The following ABCA4 variants were observed in gnomAD, a reference collection of about 807,000 sequenced individuals.
ABCA4 encodes the protein ATP binding cassette subfamily A member 4, also known as retinal-specific phospholipid-transporting ATPase ABCA4.
A neutral mutation model predicts 263.7 loss-of-function variants in ABCA4; 196 were observed. The observed-to-expected ratio is 0.74, with a 90% CI of 0.66 to 0.84. The LOEUF is 0.84. Among genes scored for constraint, ABCA4 ranks in the 40% least tolerant of loss-of-function variants. The pLI is 0.00. For synonymous variants in ABCA4, 1,133 were observed against 1,094.2 expected (o/e 1.04, Z -0.70); for missense variants, 2,792 against 2,855.1 (o/e 0.98, Z 0.50).
chr1:94,011,196 C>T (rs1303089031), intron 39 of ABCA4, 66 bp downstream of exon 39: 7 of 1,612,060 alleles, frequency 4.3e-6, no homozygotes, highest in African/African-American at 1.3e-5. Context: ...ATGCAGGAGC[C>T]CCCCCGGTAA....
At chr1:94,040,729 A>T (rs1660463574) in intron 23 of ABCA4, among the ~76,000 whole-genome samples, 1 of 152,214 alleles carries the variant, frequency 6.6e-6, no homozygotes, top group Non-Finnish European at 1.5e-5. Context: ...GCACAGACAT[A>T]AAACTGGGTC....
intron 10 of ABCA4, 93 bp downstream of exon 10, chr1:94,078,497 T>G: frequency 9.7e-7 from 1 of 1,030,164 alleles, no homozygotes; most frequent in East Asian, 2.4e-5. Context: ...CCAATAGCGA[T>G]TAACTCTTTC....
chr1:94,040,782 C>T (rs1348581001), intron 23 of ABCA4, among the ~76,000 whole-genome samples: 3 of 152,122 alleles, frequency 2.0e-5, no homozygotes, highest in Middle Eastern at 6.8e-3. Flanking sequence ...GTACTTTTTG[C>T]CTTCATCATT....
At chr1:93,998,899 C>T (rs12083624) in intron 47 of ABCA4, among the ~76,000 whole-genome samples, 18,568 of 146,714 alleles carry the variant, frequency 0.13, 1,978 homozygotes, top group African/African-American at 0.3. Context: ...CCACCACACT[C>T]GGCTAATTTT....
Position 93,993,117 on chromosome 1 carries a change from CT to C in ABCA4, c.*119del. On this transcript the variant is annotated 3_prime_UTR_variant, in exon 50 of 50. Transcript: ENST00000370225. ...TGCATGCTCCTCGTGTGTTTGTTTTCTGCTGCAGTGGGGTCATTTACGCTGG... is the reference window on the plus strand; with the variant it reads ...TGCATGCTCCTCGTGTGTTTGTTTTCGCTGCAGTGGGGTCATTTACGCTGG... 7.4e-7 allele frequency: 1 copy of C among 1,348,400 alleles called. No homozygotes were observed. The highest frequency in any genetic ancestry group is 1.1e-6 in the Non-Finnish European group (1 of 948,758). 83.5% of individuals were successfully genotyped at this position (1,348,400 alleles called of 1,614,324 possible). A position where few individuals can be genotyped will look rare whatever the true frequency, so the allele number is the denominator to read the frequency against.
intron 24 of ABCA4, among the ~76,000 whole-genome samples, chr1:94,038,817 A>T: frequency 6.6e-6 from 1 of 152,114 alleles, no homozygotes; most frequent in South Asian, 2.1e-4. Flanking sequence ...TGTGTGTGGT[A>T]TGTGGGTGTG....
chr1:94,102,865 C>A, intron 5 of ABCA4, 150 bp downstream of exon 5: 5 of 1,090,308 alleles, frequency 4.6e-6, no homozygotes, highest in Non-Finnish European at 6.7e-6. Context: ...AGTGATCCCC[C>A]GGTTTTTTTC....
intron 1 of ABCA4, among the ~76,000 whole-genome samples, chr1:94,116,976 T>TTC (rs1491522804): frequency 1.0e-5 from 1 of 96,802 alleles, no homozygotes; most frequent in South Asian, 3.9e-4. Flanking sequence ...TTCTCTTTCT[T>TTC]TCTTTCTTTC....
At chr1:93,996,761 C>T (rs537749200) in intron 48 of ABCA4, among the ~76,000 whole-genome samples, 1 of 152,160 alleles carries the variant, frequency 6.6e-6, no homozygotes, top group African/African-American at 2.4e-5. Flanking sequence ...GATGGATGAA[C>T]AAAATGTAGC....
chr1:94,023,133 G>A (rs921717991), intron 32 of ABCA4, among the ~76,000 whole-genome samples: 1 of 151,930 alleles, frequency 6.6e-6, no homozygotes, highest in East Asian at 1.9e-4. Flanking sequence ...GCTTTTTTTG[G>A]GTGAGAATGC....
chr1:94,045,741 A>G (rs1406145435), intron 19 of ABCA4: 2 of 456,162 alleles, frequency 4.4e-6, no homozygotes, highest in African/African-American at 2.0e-5. Context: ...CACCGGCCCC[A>G]CATTCCATTC....
At chr1:94,014,370 G>A (rs1659661539) in intron 38 of ABCA4, among the ~76,000 whole-genome samples, 173 bp downstream of exon 38, 1 of 136,512 alleles carries the variant, frequency 7.3e-6, no homozygotes, top group Non-Finnish European at 1.5e-5. Context: ...AGGAAGGAAG[G>A]ATGGGAGGAA....
Position 94,042,800 on chromosome 1 carries a change from T to A in ABCA4, c.3289A>T (p.Arg1097Ter), listed in dbSNP as rs886044731. The A allele has an allele frequency of 5.6e-6, 9 of 1,614,176 alleles. No individual in the cohort carries two copies. The highest frequency in any genetic ancestry group is 7.6e-6 in the Non-Finnish European group (9 of 1,180,036). ...EPTSGVDPYS[R>*]RSIWDLLLKY... ...AGGAGCAGATCCCAGATTGAGCGTC[T>A]CGAGTAAGGGTCCACCCCAGAGGTG... Residue 1097 changes from arginine to a stop codon, truncating the protein, a stop_gained, in exon 22 of 50, where the codon AGA becomes TGA. Transcript: ENST00000370225. LOFTEE classifies it high-confidence loss of function.
intron 44 of ABCA4, among the ~76,000 whole-genome samples, chr1:94,003,281 C>T (rs928911411): frequency 2.0e-5 from 3 of 151,862 alleles, no homozygotes; most frequent in Non-Finnish European, 4.4e-5. Flanking sequence ...GTTTAGCCTC[C>T]TGCGATCAGA....
intron 5 of ABCA4, among the ~76,000 whole-genome samples, chr1:94,100,218 G>C (rs540785432): frequency 6.6e-6 from 1 of 152,120 alleles, no homozygotes; most frequent in Non-Finnish European, 1.5e-5. Flanking sequence ...TCGATCTCAG[G>C]GACCCATAAA....
At chr1:94,009,385 C>T (rs1436194965) in intron 40 of ABCA4, among the ~76,000 whole-genome samples, 4 of 152,196 alleles carry the variant, frequency 2.6e-5, no homozygotes, top group Admixed American at 2.6e-4. Context: ...CAGGCCACCT[C>T]ATGCCTCAAA....
intron 38 of ABCA4, among the ~76,000 whole-genome samples, chr1:94,013,292 T>C (rs1429616848): frequency 2.6e-5 from 4 of 152,182 alleles, no homozygotes; most frequent in Non-Finnish European, 4.4e-5. Context: ...TGAGGCTTCG[T>C]TACTTGCCTA....
At chr1:94,097,979 T>G (rs1014016008) in intron 6 of ABCA4, among the ~76,000 whole-genome samples, 13 of 152,208 alleles carry the variant, frequency 8.5e-5, no homozygotes, top group African/African-American at 2.6e-4. Flanking sequence ...GGATGGTCTC[T>G]ATCTCCTGAC....
intron 6 of ABCA4, among the ~76,000 whole-genome samples, chr1:94,086,577 C>T (rs1381647045): frequency 3.3e-5 from 5 of 151,910 alleles, no homozygotes; most frequent in Admixed American, 2.0e-4. Context: ...GAAGTAGTAG[C>T]TGTTTACTTA....
Sources: gnomAD v4.1 joint callset for allele counts (sites outside exome capture counted in the v4.1 genomes callset) on GRCh38, gnomAD v4.1.1 for gene constraint, MANE v1.5 for transcripts, NCBI Gene and HGNC (gene_info 2026-07-23, HGNC 2026-07-21) for gene names.